FGF1: variants seen among roughly 807,000 people sequenced by gnomAD.
The protein encoded by FGF1 is fibroblast growth factor 1.
FGF1 carries 9 observed loss-of-function variants against 13.4 expected under a neutral mutation model. The ratio of observed to expected loss-of-function variants is 0.67; its 90% confidence interval spans 0.40 to 1.17. The LOEUF is 1.17. Among genes scored for constraint, FGF1 ranks in the 50% most tolerant of loss-of-function variants. FGF1 has a pLI of 0.01. For synonymous variants in FGF1, 93 were observed against 79.0 expected, an observed-to-expected ratio of 1.18 and a Z score of -0.94; for missense variants, 156 against 192.7, an observed-to-expected ratio of 0.81 and a Z score of 1.13.
At chr5:142,623,124 G>T (rs1435772785) in intron 1 of FGF1, among the ~76,000 whole-genome samples, 1 of 151,994 alleles carries the variant, frequency 6.6e-6, no homozygotes, top group East Asian at 1.9e-4. Flanking sequence ...TTTCCCCTCT[G>T]ATAGCTGGTT....
rs185803366 is a variant in FGF1, at chr5:142,597,362, A to C, written c.274-1878T>G. On this transcript the variant is annotated intron_variant, in intron 3 of 3. Coordinates refer to ENST00000337706, the MANE Select transcript of FGF1 (RefSeq NM_000800.5). ...AGGAGTAACCTATATGTCCATGGAA[A>C]GGTGATTGGTTAAGTGGGTAAAAGA... Among the ~76,000 whole-genome samples, 570 of 152,316 alleles carry C rather than the reference A, an allele frequency of 3.7e-3. 7 individuals are homozygous for C. Among genetic ancestry groups the C allele is most frequent in the African/African-American group, 0.013 (550 of 41,566 alleles).
intron 1 of FGF1, among the ~76,000 whole-genome samples, chr5:142,660,480 AGGAGGTC>A: frequency 6.6e-6 from 1 of 152,350 alleles, no homozygotes; most frequent in East Asian, 1.9e-4. Flanking sequence ...TTCCCTGCCC[AGGAGGTC>A]TGCCCCCGCT....
upstream of FGF1, among the ~76,000 whole-genome samples, chr5:142,690,269 G>T (rs1228624837): frequency 3.3e-5 from 5 of 152,138 alleles, no homozygotes; most frequent in East Asian, 9.9e-4. Context: ...AACCCGGGAG[G>T]CGGAGCTTGC....
chr5:142,666,755 C>T (rs1233498724), intron 1 of FGF1, among the ~76,000 whole-genome samples: 4 of 149,818 alleles, frequency 2.7e-5, no homozygotes, highest in South Asian at 2.1e-4. Context: ...CTGGGCAACA[C>T]GGCAACACTT....
At chr5:142,625,181 A>G (rs892285256) in intron 1 of FGF1, among the ~76,000 whole-genome samples, 2 of 152,268 alleles carry the variant, frequency 1.3e-5, no homozygotes, top group South Asian at 4.1e-4. Context: ...TTCAGATAAG[A>G]GGGACATAGA....
At chr5:142,678,140 G>A (rs1561743220) in intron 1 of FGF1, among the ~76,000 whole-genome samples, 1 of 152,082 alleles carries the variant, frequency 6.6e-6, no homozygotes, top group Non-Finnish European at 1.5e-5. Context: ...GGATGGGTAA[G>A]AGTCAGATGG....
Position 142,622,077 on chromosome 5 carries a change from C to A in FGF1, c.-34-7916G>T, listed in dbSNP as rs1341018578. Reference sequence around the variant, plus strand: ...ATGTCTCTTTTCATGACTGGACTGTCAGCTCCATGATAGTACAAACCAATT... The same window carrying A: ...ATGTCTCTTTTCATGACTGGACTGTAAGCTCCATGATAGTACAAACCAATT... On this transcript the variant is annotated intron_variant, in intron 1 of 3. Coordinates refer to ENST00000337706, the MANE Select transcript of FGF1 (RefSeq NM_000800.5). 5.3e-5 allele frequency among the ~76,000 whole-genome samples: 8 copies of A among 152,214 alleles called. 1 individual carries two copies.
At chr5:142,665,877 C>T (rs559996956) in intron 1 of FGF1, among the ~76,000 whole-genome samples, 24 of 152,156 alleles carry the variant, frequency 1.6e-4, no homozygotes, top group Non-Finnish European at 2.2e-4. Context: ...GTTCTTTTCT[C>T]GATCCCCAGT....
intron 1 of FGF1, among the ~76,000 whole-genome samples, chr5:142,650,927 T>G (rs1172642776): frequency 6.6e-6 from 1 of 151,958 alleles, no homozygotes; most frequent in East Asian, 1.9e-4. Flanking sequence ...ATTTTAAAAT[T>G]TAAGTAAAAA....
At chr5:142,644,592 C>G (rs143636478) in intron 1 of FGF1, among the ~76,000 whole-genome samples, 1 of 152,304 alleles carries the variant, frequency 6.6e-6, no homozygotes, top group Non-Finnish European at 1.5e-5. Context: ...ACCAAGCCAG[C>G]TCCTCCTCAT....
chr5:142,621,920 A>T (rs1235100378), intron 1 of FGF1, among the ~76,000 whole-genome samples: 1 of 152,152 alleles, frequency 6.6e-6, no homozygotes, highest in African/African-American at 2.4e-5. Context: ...TCAACTCTCA[A>T]TTCCTCATGA....
intron 1 of FGF1, among the ~76,000 whole-genome samples, chr5:142,641,607 G>T (rs1369391477): frequency 1.3e-5 from 2 of 151,994 alleles, no homozygotes; most frequent in Non-Finnish European, 2.9e-5. Context: ...AAAACATATT[G>T]TAATGAATTG....
chr5:142,692,596 C>A (rs2152070912), intron 2 of FGF1, among the ~76,000 whole-genome samples: 1 of 151,734 alleles, frequency 6.6e-6, no homozygotes, highest in Non-Finnish European at 1.5e-5. Flanking sequence ...AGAAAGCCTA[C>A]TGGTTTTCCT....
At chr5:142,600,841 CACTA>C in intron 2 of FGF1, 36 bp from the exon 3 acceptor site, 1 of 1,510,668 alleles carries the variant, frequency 6.6e-7, no homozygotes, top group Non-Finnish European at 9.2e-7. Context: ...AGTAAATAAA[CACTA>C]CGCTTTTGCC....
chr5:142,635,737 G>A (rs1764138931), intron 1 of FGF1, among the ~76,000 whole-genome samples: 1 of 152,208 alleles, frequency 6.6e-6, no homozygotes, highest in African/African-American at 2.4e-5. Flanking sequence ...GCTGGGCTGA[G>A]TCGGGGCTGG....
At chr5:142,691,778 G>C (rs1752266508) in intron 2 of FGF1, among the ~76,000 whole-genome samples, 1 of 152,222 alleles carries the variant, frequency 6.6e-6, no homozygotes, top group Non-Finnish European at 1.5e-5. Context: ...ACTGCATTTT[G>C]AGAGCTACCA....
chr5:142,615,847 T>C (rs1348910515), intron 1 of FGF1, among the ~76,000 whole-genome samples: 1 of 152,360 alleles, frequency 6.6e-6, no homozygotes, highest in South Asian at 2.1e-4. Context: ...TTATCCACAC[T>C]AGTCTTTTTA....
chr5:142,689,037 A>T (rs1021430265), upstream of FGF1, among the ~76,000 whole-genome samples: 6 of 152,342 alleles, frequency 3.9e-5, no homozygotes, highest in Non-Finnish European at 8.8e-5. Flanking sequence ...AGGGTTCAAA[A>T]TGCCCCCAAT....
At chr5:142,615,152 G>A (rs369968984) in intron 1 of FGF1, among the ~76,000 whole-genome samples, 2 of 152,012 alleles carry the variant, frequency 1.3e-5, no homozygotes, top group East Asian at 3.9e-4. Flanking sequence ...GGAGAAGGAA[G>A]TGCTGGTGAC....
Sources: allele counts gnomAD v4.1 joint callset (sites outside exome capture counted in the v4.1 genomes callset), GRCh38; gene constraint gnomAD v4.1.1; transcripts MANE v1.5; gene names NCBI Gene and HGNC (gene_info 2026-07-23, HGNC 2026-07-21).